The following ERAP1 variants were observed in gnomAD, a reference collection of about 807,000 sequenced individuals.
ERAP1 encodes the protein endoplasmic reticulum aminopeptidase 1.
Under a neutral mutation model 103.7 loss-of-function variants are expected in ERAP1, and 86 were observed. That is an observed-to-expected ratio of 0.83 (90% CI 0.70 to 0.99). The LOEUF (loss-of-function observed/expected upper bound fraction) is 0.99, where lower values mean the gene tolerates loss of function less well. Ranked by LOEUF, ERAP1 falls within the 50% of genes least tolerant of loss-of-function variation. The pLI is 0.00. For synonymous variants in ERAP1, 398 were observed against 402.4 expected, an observed-to-expected ratio of 0.99 and a Z score of 0.13; for missense variants, 1,009 against 1,128.4, an observed-to-expected ratio of 0.89 and a Z score of 1.52.
chr5:96,813,392 C>T, the ERAP1 span, among the ~76,000 whole-genome samples: 182 of 152,170 alleles, frequency 1.2e-3, no homozygotes, highest in African/African-American at 4.1e-3. Flanking sequence ...CGGTGGCTCA[C>T]GCCTGCAATC....
the ERAP1 span, among the ~76,000 whole-genome samples, chr5:96,849,201 A>T: frequency 2.6e-5 from 4 of 152,282 alleles, no homozygotes; most frequent in East Asian, 5.8e-4. Context: ...TTCCTCTAAG[A>T]TAAGGAACAA....
At position 96,775,489 on chromosome 5, in the gene ERAP1, T is replaced by C. The variant is rs1365537680; in HGVS notation, c.*907A>G. On this transcript the variant is annotated 3_prime_UTR_variant, in exon 19 of 19. Transcript: ENST00000443439. ...TTTTCCTACAGACTTGAATGCACTC[T>C]GCTTTTTCAGAAGAGATACTGTACC... 1.0e-5 allele frequency: 10 copies of C among 985,066 alleles called. No individual in the cohort carries two copies. Among genetic ancestry groups the C allele is most frequent in the Admixed American group, 1.2e-4 (2 of 16,186 alleles). The allele number at this position is 985,066 out of a possible 1,614,324, so 61.0% of individuals were successfully genotyped here.
chr5:96,858,670 G>A, the ERAP1 span, among the ~76,000 whole-genome samples: 1 of 152,158 alleles, frequency 6.6e-6, no homozygotes, highest in Non-Finnish European at 1.5e-5. Flanking sequence ...TGAAGTTAGA[G>A]TGCATGACAA....
At chr5:96,933,563 A>T in the ERAP1 span, among the ~76,000 whole-genome samples, 9 of 151,272 alleles carry the variant, frequency 5.9e-5, no homozygotes, top group Non-Finnish European at 2.9e-5. Context: ...TCGCTAGTGC[A>T]TTTTTTTTTA....
At chr5:96,832,752 T>C in the ERAP1 span, among the ~76,000 whole-genome samples, 1 of 152,244 alleles carries the variant, frequency 6.6e-6, no homozygotes, top group Non-Finnish European at 1.5e-5. Flanking sequence ...GAGACAGTGA[T>C]GCTACAAATA....
intron 18 of ERAP1, chr5:96,776,774 A>G (rs1774384255): frequency 1.7e-6 from 1 of 583,250 alleles, no homozygotes; most frequent in Non-Finnish European, 2.9e-6. Flanking sequence ...GTTTATTCTC[A>G]GTTGCCAGAC....
At chr5:96,772,495 C>A (rs1400055294), downstream of ERAP1, 2 of 152,540 alleles carry the variant, frequency 1.3e-5, no homozygotes, top group Non-Finnish European at 2.9e-5. Context: ...AAAAAAAATT[C>A]TATTAATCCA....
At chr5:96,871,037 A>G in the ERAP1 span, among the ~76,000 whole-genome samples, 3 of 152,162 alleles carry the variant, frequency 2.0e-5, no homozygotes, top group Non-Finnish European at 1.5e-5. Flanking sequence ...TACTCCAGGA[A>G]AATCCTCAGC....
At chr5:96,794,982 T>C in intron 5 of ERAP1, 60 bp downstream of exon 5, 3 of 1,599,096 alleles carry the variant, frequency 1.9e-6, no homozygotes, top group Non-Finnish European at 2.6e-6. Flanking sequence ...CCAATTATAA[T>C]GACAAATCTA....
At chr5:96,917,497 A>G in the ERAP1 span, 6 of 1,613,604 alleles carry the variant, frequency 3.7e-6, no homozygotes, top group East Asian at 1.3e-4. Context: ...AGGCTCAAGG[A>G]TCACATCTGG....
At chr5:96,846,664 C>T in the ERAP1 span, among the ~76,000 whole-genome samples, 8 of 152,154 alleles carry the variant, frequency 5.3e-5, no homozygotes, top group Non-Finnish European at 8.8e-5. Context: ...CTGGGGATCA[C>T]ATATGAGTAT....
At chr5:96,931,213 G>A in the ERAP1 span, among the ~76,000 whole-genome samples, 2 of 151,236 alleles carry the variant, frequency 1.3e-5, no homozygotes, top group Admixed American at 1.3e-4. Flanking sequence ...CTGGAGTGCA[G>A]TGGTGTGATC....
chr5:96,803,292 C>G (rs1014472582), intron 2 of ERAP1, 111 bp downstream of exon 2: 13 of 1,166,632 alleles, frequency 1.1e-5, no homozygotes, highest in Non-Finnish European at 1.6e-5. Flanking sequence ...AAAAGCAAAA[C>G]TGAAGAAAAA....
chr5:96,763,532 T>G (rs887126635), intron 19 of ERAP1, among the ~76,000 whole-genome samples: 5 of 152,188 alleles, frequency 3.3e-5, no homozygotes, highest in Non-Finnish European at 7.3e-5. Context: ...AATCAAAAAC[T>G]TTTTTGCCTT....
chr5:96,868,895 C>T, the ERAP1 span, among the ~76,000 whole-genome samples: 1 of 152,040 alleles, frequency 6.6e-6, no homozygotes, highest in Non-Finnish European at 1.5e-5. Context: ...ACCCCCAGTC[C>T]TCAACTTCAT....
In ERAP1 at chr5:96,807,877, C is replaced by A. The variant is rs576897404; in HGVS notation, c.-35G>T. On this transcript the variant is annotated 5_prime_UTR_variant, in exon 1 of 19. Coordinates refer to ENST00000443439, the MANE Select transcript of ERAP1 (RefSeq NM_001040458.3). ...CGCTGTACCTGGGGTTCTGGGGCCG[C>A]CCTCACCCTTGCGCCGCCGCCACCA... 1,292 of 986,456 alleles carry A rather than the reference C, an allele frequency of 1.3e-3. 2 individuals are homozygous for A. The highest frequency in any genetic ancestry group is 1.5e-3 in the Non-Finnish European group (1,218 of 830,684). 61.1% of individuals were successfully genotyped at this position (986,456 alleles called of 1,614,324 possible).
At chr5:96,797,005 T>C (rs953695333) in intron 4 of ERAP1, among the ~76,000 whole-genome samples, 170 bp downstream of exon 4, 2 of 152,174 alleles carry the variant, frequency 1.3e-5, no homozygotes, top group Non-Finnish European at 2.9e-5. Flanking sequence ...TCCAGGCTGG[T>C]CTCAAACCCC....
chr5:96,852,989 T>G, the ERAP1 span, among the ~76,000 whole-genome samples: 2,713 of 152,252 alleles, frequency 0.018, 105 homozygotes, highest in East Asian at 0.12. Flanking sequence ...GTAGACGACT[T>G]TAAATTTGAT....
chr5:96,796,414 G>A (rs1416922589), intron 4 of ERAP1, among the ~76,000 whole-genome samples: 2 of 152,122 alleles, frequency 1.3e-5, no homozygotes, highest in Admixed American at 6.5e-5. Flanking sequence ...AAAGCCTTTG[G>A]GTATTCCAAG....
Sources: allele counts gnomAD v4.1 joint callset (sites outside exome capture counted in the v4.1 genomes callset), GRCh38; gene constraint gnomAD v4.1.1; transcripts MANE v1.5; gene names NCBI Gene and HGNC (gene_info 2026-07-23, HGNC 2026-07-21).